Variants in GSK3B observed in about 807,000 individuals in gnomAD.
The protein encoded by GSK3B is glycogen synthase kinase-3 beta.
Under a neutral mutation model 56.4 loss-of-function variants are expected in GSK3B, and 15 were observed. The ratio of observed to expected loss-of-function variants is 0.27; its 90% CI spans 0.18 to 0.41. The LOEUF is 0.41. Among genes scored for constraint, GSK3B ranks in the 10% least tolerant of loss-of-function variants. GSK3B has a pLI of 1.00. For synonymous variants in GSK3B, 181 were observed against 188.9 expected, an observed-to-expected ratio of 0.96 and a Z score of 0.34; for missense variants, 300 against 513.4, an observed-to-expected ratio of 0.58 and a Z score of 4.02.
intron 7 of GSK3B, among the ~76,000 whole-genome samples, chr3:119,883,934 G>C (rs572397867): frequency 6.6e-6 from 1 of 152,088 alleles, no homozygotes; most frequent in African/African-American, 2.4e-5. Context: ...GAACCAGAAG[G>C]AGATCTCCAC....
chr3:119,872,412 A>G (rs1577329190), intron 8 of GSK3B, among the ~76,000 whole-genome samples: 1 of 152,190 alleles, frequency 6.6e-6, no homozygotes, highest in African/African-American at 2.4e-5. Context: ...AAACTGGCAC[A>G]TAAGATCACC....
At position 120,093,812 on chromosome 3, in the gene GSK3B, T is replaced by G. The variant is rs2058536337; in HGVS notation, c.-378A>C. 1 of 227,566 alleles carries G rather than the reference T, an allele frequency of 4.4e-6. No homozygotes were observed. The highest frequency in any genetic ancestry group is 5.6e-5 in the Admixed American group (1 of 17,746). The allele number at this position is 227,566 out of a possible 1,614,324, so 14.1% of individuals were successfully genotyped here. ...GAGTACTTCGAATATTATATTTTCC[T>G]CGGGGATTTTTTTTCCGAGTCAATG... is the stretch of plus-strand genomic sequence containing the variant. On this transcript the variant is annotated 5_prime_UTR_variant, in exon 1 of 11. Transcript: ENST00000264235.
At chr3:119,863,034 G>C (rs2056129033) in intron 9 of GSK3B, among the ~76,000 whole-genome samples, 1 of 151,908 alleles carries the variant, frequency 6.6e-6, no homozygotes, top group South Asian at 2.1e-4. Context: ...ATTCATTCCA[G>C]GTTTAAAAAA....
At chr3:120,010,960 A>AGGGAGGC in intron 1 of GSK3B, among the ~76,000 whole-genome samples, 1 of 152,104 alleles carries the variant, frequency 6.6e-6, no homozygotes, top group South Asian at 2.1e-4. Flanking sequence ...CCCAGCTACA[A>AGGGAGGC]GGGAGGCTGA....
chr3:120,012,063 A>G (rs2057783414), intron 1 of GSK3B, among the ~76,000 whole-genome samples: 1 of 152,234 alleles, frequency 6.6e-6, no homozygotes, highest in Non-Finnish European at 1.5e-5. Flanking sequence ...GAATAAATCA[A>G]CAGGCTTTTA....
intron 3 of GSK3B, among the ~76,000 whole-genome samples, chr3:119,930,591 A>G (rs557958132): frequency 1.3e-5 from 2 of 152,372 alleles, no homozygotes; most frequent in Non-Finnish European, 2.9e-5. Context: ...AACCTGCAAT[A>G]TGAAATTTAA....
At chr3:120,018,308 C>G (rs551839793) in intron 1 of GSK3B, among the ~76,000 whole-genome samples, 3 of 152,284 alleles carry the variant, frequency 2.0e-5, no homozygotes, top group African/African-American at 7.2e-5. Flanking sequence ...GTACAGTATT[C>G]ACAGGGTGTA....
chr3:119,933,479 A>C (rs1389900087), intron 3 of GSK3B, among the ~76,000 whole-genome samples: 1 of 152,232 alleles, frequency 6.6e-6, no homozygotes, highest in Non-Finnish European at 1.5e-5. Flanking sequence ...ATTTGTGAAG[A>C]GCAAGAAATT....
intron 3 of GSK3B, among the ~76,000 whole-genome samples, chr3:119,945,660 G>C (rs2057093087): frequency 6.6e-6 from 1 of 152,148 alleles, no homozygotes; most frequent in African/African-American, 2.4e-5. Context: ...AACTTCTTAA[G>C]AGTTAAATGA....
intron 10 of GSK3B, 104 bp downstream of exon 10, chr3:119,843,151 G>C: frequency 1.7e-6 from 1 of 572,098 alleles, no homozygotes; most frequent in Admixed American, 2.2e-5. Flanking sequence ...CTGACCTCAG[G>C]TGATCCACCC....
At chr3:120,051,185 C>A (rs1262189791) in intron 1 of GSK3B, among the ~76,000 whole-genome samples, 1 of 147,608 alleles carries the variant, frequency 6.8e-6, no homozygotes. Context: ...GAGAACAGGA[C>A]GTTGGGACAT....
intron 1 of GSK3B, among the ~76,000 whole-genome samples, chr3:120,006,833 C>T (rs1191862024): frequency 6.6e-6 from 1 of 151,728 alleles, no homozygotes; most frequent in Non-Finnish European, 1.5e-5. Context: ...AATCAACATC[C>T]TAACATCACA....
chr3:119,981,608 A>G (rs1460646377), intron 2 of GSK3B, among the ~76,000 whole-genome samples: 1 of 152,230 alleles, frequency 6.6e-6, no homozygotes, highest in African/African-American at 2.4e-5. Context: ...CAGTAGTCTG[A>G]GATCGATCTG....
chr3:120,063,727 CAAAA>C (rs58811446), intron 1 of GSK3B, among the ~76,000 whole-genome samples: 3 of 81,722 alleles, frequency 3.7e-5, no homozygotes. Flanking sequence ...GACTCTGTCT[CAAAA>C]AAAAAAAAAA....
chr3:119,860,091 T>C (rs2056081031), intron 9 of GSK3B, among the ~76,000 whole-genome samples: 1 of 152,174 alleles, frequency 6.6e-6, no homozygotes, highest in Admixed American at 6.5e-5. Context: ...TCATACAAAT[T>C]AGGTAAAAAA....
chr3:119,989,201 G>A (rs938504944), intron 2 of GSK3B, among the ~76,000 whole-genome samples: 2 of 152,100 alleles, frequency 1.3e-5, no homozygotes, highest in African/African-American at 4.8e-5. Context: ...TCACCCCCAT[G>A]TCTAGTGAAT....
chr3:119,846,602 CTAGT>C (rs1479892381), intron 9 of GSK3B, among the ~76,000 whole-genome samples: 2 of 152,172 alleles, frequency 1.3e-5, no homozygotes, highest in African/African-American at 4.8e-5. Flanking sequence ...CCATCTCACA[CTAGT>C]TAGAATGGTG....
At chr3:119,962,784 G>A (rs1050182023) in intron 2 of GSK3B, among the ~76,000 whole-genome samples, 6 of 152,120 alleles carry the variant, frequency 3.9e-5, no homozygotes, top group Non-Finnish European at 7.3e-5. Context: ...ATTTTTCCAC[G>A]GACCGGTGAG....
intron 1 of GSK3B, among the ~76,000 whole-genome samples, chr3:120,051,640 A>G (rs1220095784): frequency 3.3e-5 from 5 of 151,888 alleles, no homozygotes; most frequent in Admixed American, 3.3e-4. Flanking sequence ...GGTGGTGGGC[A>G]TCTGTAATCC....
Sources: allele counts gnomAD v4.1 joint callset (sites outside exome capture counted in the v4.1 genomes callset), GRCh38; gene constraint gnomAD v4.1.1; transcripts MANE v1.5; gene names NCBI Gene and HGNC (gene_info 2026-07-23, HGNC 2026-07-21).